Variants in TTC24 observed in about 807,000 individuals in gnomAD.
TTC24 encodes tetratricopeptide repeat domain 24, also known as tetratricopeptide repeat protein 24.
In TTC24, 54 loss-of-function variants were observed where a neutral mutation model predicts 63.3. The ratio of observed to expected loss-of-function variants is 0.85; its 90% CI spans 0.69 to 1.07. The LOEUF is 1.07. TTC24 is among the 50% of genes least tolerant of loss of function. The pLI is 0.00. For missense variants in TTC24, 680 were observed against 730.5 expected (o/e 0.93, Z 0.80); for synonymous variants, 276 against 304.3 (o/e 0.91, Z 0.97).
rs745994526 is a variant in TTC24 at position 156,581,811 on chromosome 1, ACAGGGTGAC to A, written c.453_461del (p.Asp152_Gly154del). 3 of 1,551,382 alleles carry A rather than the reference ACAGGGTGAC, an allele frequency of 1.9e-6. No homozygotes were observed. The African/African-American group carries it at 4.1e-5, about 21-fold the overall frequency. ...ACAGGGCCCTGGGCCACTACCAGCC[ACAGGGTGAC>A]CAGGGAGAAGCCTGGGCAAAAATGG... On this transcript the variant is annotated inframe_deletion, in exon 2 of 11. Coordinates refer to ENST00000368236, the MANE Select transcript of TTC24 (RefSeq NM_001105669.4).
At position 156,583,363 on chromosome 1, in the gene TTC24, C is replaced by T. The variant is rs1436809091; in HGVS notation, c.1065C>T (p.Ala355=). ...GGGACATGAAGGGACAGTGGCAGGCCTGTGAGGGTCTGGGGGCTGCTGCAG... is the reference window on the plus strand; with the variant it reads ...GGGACATGAAGGGACAGTGGCAGGCTTGTGAGGGTCTGGGGGCTGCTGCAG... ...DSGDMKGQWQ[A]CEGLGAAAAR... The change falls in exon 5 of 11, where the codon GCC becomes GCT. Residue 355 remains alanine (A), a synonymous_variant. Coordinates refer to ENST00000368236, the MANE Select transcript of TTC24 (RefSeq NM_001105669.4). This position sits in a 1 kb window ranked among gnomAD's most constrained non-coding sequence, Gnocchi z 4.0. 2 of 1,612,848 alleles carry T rather than the reference C, an allele frequency of 1.2e-6. No individual in the cohort carries two copies. Among genetic ancestry groups the T allele is most frequent in the South Asian group, 2.2e-5 (2 of 90,980 alleles).
At chr1:156,582,520 G>A in intron 3 of TTC24, 86 bp downstream of exon 3, 1 of 1,257,406 alleles carries the variant, frequency 8.0e-7, no homozygotes. Flanking sequence ...AGGGTGGATG[G>A]CCCTTTGGGA....
chr1:156,581,189 G>A (rs1676980256), intron 1 of TTC24, among the ~76,000 whole-genome samples, 172 bp from the exon 2 acceptor site: 1 of 152,244 alleles, frequency 6.6e-6, no homozygotes, highest in Non-Finnish European at 1.5e-5. Context: ...TAGAGTGAGA[G>A]TGGATATGGT....
At position 156,581,529 on chromosome 1, in the gene TTC24, C is replaced by T; in HGVS notation, c.165C>T (p.Ala55=). 6.4e-7 allele frequency: 1 copy of T among 1,551,378 alleles called. No homozygotes were observed. Among genetic ancestry groups the T allele is most frequent in the Non-Finnish European group, 8.7e-7 (1 of 1,146,758 alleles). Residue 55 remains alanine, a synonymous_variant, in exon 2 of 11, where the codon GCC becomes GCT. Coordinates refer to ENST00000368236, the MANE Select transcript of TTC24 (RefSeq NM_001105669.4). ...GALQAGQNHE[A]LNNFQRAFLL... Reference sequence around the variant, plus strand: ...TTCAGGCTGGCCAGAACCATGAAGCCTTGAACAACTTCCAGAGGGCCTTCC... The same window carrying T: ...TTCAGGCTGGCCAGAACCATGAAGCTTTGAACAACTTCCAGAGGGCCTTCC...
Position 156,582,081 on chromosome 1 carries a change from C to T in TTC24, c.706+11C>T, listed in dbSNP as rs775340253. 60 of 1,463,738 alleles carry T rather than the reference C, an allele frequency of 4.1e-5. No individual in the cohort carries two copies. Among genetic ancestry groups the T allele is most frequent in the African/African-American group, 1.0e-4 (7 of 69,980 alleles). The allele number at this position is 1,463,738 out of a possible 1,614,324, so 90.7% of individuals were successfully genotyped here. The stretch of plus-strand genomic sequence containing the variant: ...AGAGGCGACTGCTGGGTGAGACCTT[C>T]GGGCAGGGAAGGCATGGGATCTGGG... On this transcript the variant is annotated intron_variant, in intron 2 of 10. Transcript: ENST00000368236.
chr1:156,585,082 G>T lies in TTC24; in HGVS notation c.1350-43G>T, dbSNP rs762822354. 8.3e-6 allele frequency: 13 copies of T among 1,572,308 alleles called. No homozygotes were observed. In the South Asian group the frequency reaches 1.4e-4, roughly 17 times the overall value. On this transcript the variant is annotated intron_variant, in intron 7 of 10. Coordinates refer to ENST00000368236, the MANE Select transcript of TTC24 (RefSeq NM_001105669.4). ...TGTATCCCCAGGAAGGAGGGGACTGGTGTCGCTCTGCCAAGCTGTGCCCTG... is the reference window on the plus strand; with the variant it reads ...TGTATCCCCAGGAAGGAGGGGACTGTTGTCGCTCTGCCAAGCTGTGCCCTG...
At position 156,583,575 on chromosome 1, in the gene TTC24, G is replaced by A; in HGVS notation, c.1152+125G>A. ...TCAGCAAACATGCACTGGACACACT[G>A]TGTGCTAGGTCTTGGGATACTATTG... On this transcript the variant is annotated intron_variant, in intron 5 of 10. Transcript: ENST00000368236. The surrounding 1 kb of genome is among the most constrained non-coding windows in gnomAD (Gnocchi z 4.0). 2 of 890,274 alleles carry A rather than the reference G, an allele frequency of 2.2e-6. No homozygotes were observed. Among genetic ancestry groups the A allele is most frequent in the Non-Finnish European group, 3.5e-6 (2 of 578,952 alleles). The allele number at this position is 890,274 out of a possible 1,614,324, so 55.1% of individuals were successfully genotyped here.
At chr1:156,584,361 C>T (rs1241368174) in intron 6 of TTC24, among the ~76,000 whole-genome samples, 1 of 152,158 alleles carries the variant, frequency 6.6e-6, no homozygotes, top group Non-Finnish European at 1.5e-5. Context: ...GATTCGTTGG[C>T]TCTCCAACCG....
rs1173371733 is a variant in TTC24, at chr1:156,585,244, A to G, written c.1456+13A>G. ...GGAAGACCAGAGCGTGAGTTGATGT[A>G]GAGTATTCCTGGCGGTGCCTCTCCT... On this transcript the variant is annotated intron_variant, in intron 8 of 10. Coordinates refer to ENST00000368236, the MANE Select transcript of TTC24 (RefSeq NM_001105669.4). 1.9e-6 allele frequency: 3 copies of G among 1,593,960 alleles called. No individual in the cohort carries two copies. The highest frequency in any genetic ancestry group is 2.7e-5 in the African/African-American group (2 of 74,342).
chr1:156,586,507 G>A lies in TTC24; in HGVS notation c.1706G>A (p.Arg569His), dbSNP rs371559226. Residue 569 changes from arginine to histidine, a missense_variant, in exon 11 of 11, where the codon CGC becomes CAC. Physicochemically the swap from Arg to His is conservative, Grantham distance 29. Coordinates refer to ENST00000368236, the MANE Select transcript of TTC24 (RefSeq NM_001105669.4). ...CCCAGGGAAAGCCTCAGCAGGAGCC[G>A]CCAGAGGAGACCCATGGAGTCGGGC... ...RWPRESLSRS[R>H]QRRPMESGIC... The A allele has an allele frequency of 9.9e-6, 16 of 1,613,066 alleles. No individual in the cohort carries two copies. The East Asian group carries it at 2.0e-4, about 20-fold the overall frequency.
intron 1 of TTC24, among the ~76,000 whole-genome samples, chr1:156,580,762 C>T (rs1275896707): frequency 6.6e-6 from 1 of 152,170 alleles, no homozygotes; most frequent in Non-Finnish European, 1.5e-5. Flanking sequence ...TGGTGTGAGC[C>T]ATCGCACCTG....
intron 3 of TTC24, 149 bp from the exon 4 acceptor site, chr1:156,582,893 G>T: frequency 1.0e-6 from 1 of 976,170 alleles, no homozygotes; most frequent in Non-Finnish European, 1.5e-6. Flanking sequence ...GGCTGGGTGT[G>T]GAGGGTTCAG....
intron 3 of TTC24, 120 bp from the exon 4 acceptor site, chr1:156,582,922 G>T (rs1184690823): frequency 2.3e-6 from 3 of 1,279,872 alleles, no homozygotes; most frequent in East Asian, 2.4e-5. Flanking sequence ...GATGCATCTG[G>T]AGTGTTCTGG....
At chr1:156,581,297 G>A in intron 1 of TTC24, 64 bp from the exon 2 acceptor site, 1 of 1,258,612 alleles carries the variant, frequency 7.9e-7, no homozygotes, top group Non-Finnish European at 1.1e-6. Flanking sequence ...ATTGCCCTAA[G>A]GGGGTCCTGC....
chr1:156,581,787 C>T lies in TTC24; in HGVS notation c.423C>T (p.His141=), dbSNP rs1197411393. ...GELPQALAWY[H]RALGHYQPQG... ...TGCCTCAAGCTTTGGCCTGGTACCA[C>T]AGGGCCCTGGGCCACTACCAGCCAC... The change falls in exon 2 of 11, where the codon CAC becomes CAT. Residue 141 remains histidine (H), a synonymous_variant. Transcript: ENST00000368236. The T allele has an allele frequency of 6.4e-7, 1 of 1,551,496 alleles. No homozygotes were observed. Among genetic ancestry groups the T allele is most frequent in the African/African-American group, 1.4e-5 (1 of 73,056 alleles).
chr1:156,582,171 G>C (rs1677017520), intron 2 of TTC24, 60 bp from the exon 3 acceptor site: 2 of 1,494,728 alleles, frequency 1.3e-6, no homozygotes, highest in African/African-American at 2.8e-5. Flanking sequence ...GTCGATAGGG[G>C]CTGTACCAGC....
At position 156,581,879 on chromosome 1, in the gene TTC24, T is replaced by C; in HGVS notation, c.515T>C (p.Leu172Pro). Reference protein sequence around the residue: ...ACYQALGQPELAAHCLQEASQ... With the variant: ...ACYQALGQPEPAAHCLQEASQ... ...TACCAGGCTCTGGGACAGCCTGAGCTAGCAGCCCACTGCCTGCAGGAAGCA... is the reference window on the plus strand; with the variant it reads ...TACCAGGCTCTGGGACAGCCTGAGCCAGCAGCCCACTGCCTGCAGGAAGCA... The change falls in exon 2 of 11, where the codon CTA becomes CCA. Residue 172 changes from leucine (L) to proline (P), a missense_variant. Transcript: ENST00000368236. The C allele has an allele frequency of 6.5e-7, 1 of 1,547,944 alleles. No individual in the cohort carries two copies. The highest frequency in any genetic ancestry group is 8.7e-7 in the Non-Finnish European group (1 of 1,144,624).
In TTC24 at chr1:156,582,223, C is replaced by A. The variant is rs549737882; in HGVS notation, c.707-8C>A. On this transcript the variant is annotated splice_polypyrimidine_tract_variant and splice_region_variant and intron_variant, in intron 2 of 10. Transcript: ENST00000368236. ...CTGGCTACCAGTGACCCTGGCTATT[C>A]CCTCTAGGGCACCTCTATAACGATC... 1 of 1,545,386 alleles carries A rather than the reference C, an allele frequency of 6.5e-7. No individual in the cohort carries two copies. The highest frequency in any genetic ancestry group is 1.4e-5 in the African/African-American group (1 of 73,016).
At position 156,583,682 on chromosome 1, in the gene TTC24, G is replaced by C. The variant is rs1468188038; in HGVS notation, c.1153-115G>C. On this transcript the variant is annotated intron_variant, in intron 5 of 10. Transcript: ENST00000368236. The surrounding 1 kb of genome is among the most constrained non-coding windows in gnomAD (Gnocchi z 4.0). ...AAAGGCATGGGGATGGGGTAGAAGA[G>C]AGGGGAAACAAAGCCCCCCTCCCCC... 1 of 1,047,352 alleles carries C rather than the reference G, an allele frequency of 9.5e-7. No individual in the cohort carries two copies. Among genetic ancestry groups the C allele is most frequent in the Non-Finnish European group, 1.4e-6 (1 of 700,034 alleles). 64.9% of individuals were successfully genotyped at this position (1,047,352 alleles called of 1,614,324 possible).
Sources: allele counts gnomAD v4.1 joint callset (sites outside exome capture counted in the v4.1 genomes callset), GRCh38; gene constraint gnomAD v4.1.1; non-coding constraint Gnocchi (gnomAD v3.1); transcripts MANE v1.5; gene names NCBI Gene and HGNC (gene_info 2026-07-23, HGNC 2026-07-21).